Variants in KIAA0232 observed in about 807,000 individuals in gnomAD.
The protein encoded by KIAA0232 is KIAA0232.
A neutral mutation model predicts 122.0 loss-of-function variants in KIAA0232; 27 were observed. The observed-to-expected ratio is 0.22, with a 90% CI of 0.16 to 0.31. KIAA0232 has a LOEUF of 0.31. Among genes scored for constraint, KIAA0232 ranks in the 10% least tolerant of loss-of-function variants. KIAA0232 has a pLI of 1.00. For synonymous variants in KIAA0232, 613 were observed against 587.6 expected, an observed-to-expected ratio of 1.04 and a Z score of -0.63; for missense variants, 1,551 against 1,634.2, an observed-to-expected ratio of 0.95 and a Z score of 0.88.
Position 6,869,619 on chromosome 4 carries a change from T to C in KIAA0232, c.3802-1955T>C, listed in dbSNP as rs536931689. On this transcript the variant is annotated intron_variant, in intron 7 of 9. Coordinates refer to ENST00000307659, the MANE Select transcript of KIAA0232 (RefSeq NM_014743.3). ...CAATTTTTATTGTTAGGATAAGTTG[T>C]AGGAGAAATTAGCAAAGGTTAACTG... 4.1e-4 allele frequency among the ~76,000 whole-genome samples: 62 copies of C among 152,370 alleles called. 1 individual carries two copies. In the South Asian group the frequency reaches 0.011, roughly 26 times the overall value.
At chr4:6,858,643 T>G in intron 6 of KIAA0232, 137 bp downstream of exon 6, 9 of 570,874 alleles carry the variant, frequency 1.6e-5, no homozygotes, top group Non-Finnish European at 1.2e-5. Flanking sequence ...ATCGAGCGCT[T>G]ATATGCTTGA....
In KIAA0232 at chr4:6,876,719, A is replaced by C; in HGVS notation, c.3970A>C (p.Thr1324Pro). ...AGAAGAATATCCAGATGCTAAAGAG[A>C]CACCCAGTAATGAAGAGCGCCTGTT... ...GLEEYPDAKETPSNEERLLDF... is the reference protein window; with the variant it reads ...GLEEYPDAKEPPSNEERLLDF... Residue 1324 changes from threonine (T) to proline (P), a missense_variant, in exon 9 of 10, where the codon ACA becomes CCA. Physicochemically the swap from Thr to Pro is conservative, Grantham distance 38. Around this residue, in one of 5 missense-constraint regions of KIAA0232, gnomAD observed 1,108 missense variants for 1,154.8 expected, o/e 0.96. Coordinates refer to ENST00000307659, the MANE Select transcript of KIAA0232 (RefSeq NM_014743.3). 6.2e-7 allele frequency: 1 copy of C among 1,613,260 alleles called. No individual in the cohort carries two copies. The highest frequency in any genetic ancestry group is 8.5e-7 in the Non-Finnish European group (1 of 1,179,208).
At chr4:6,873,817 C>A (rs991149184) in intron 8 of KIAA0232, among the ~76,000 whole-genome samples, 1 of 152,180 alleles carries the variant, frequency 6.6e-6, no homozygotes. Context: ...TAAGTCCCTG[C>A]ATATTTGCCC....
intron 2 of KIAA0232, among the ~76,000 whole-genome samples, chr4:6,820,499 C>A (rs1198659592): frequency 6.6e-6 from 1 of 152,118 alleles, no homozygotes; most frequent in African/African-American, 2.4e-5. Flanking sequence ...CATTTACATT[C>A]ATTATTATTA....
At chr4:6,874,191 G>C (rs532493588) in intron 8 of KIAA0232, among the ~76,000 whole-genome samples, 1 of 152,342 alleles carries the variant, frequency 6.6e-6, no homozygotes, top group African/African-American at 2.4e-5. Flanking sequence ...CAGCACTTGG[G>C]TTAGGCACTG....
chr4:6,856,824 G>T (rs772672376), intron 4 of KIAA0232, among the ~76,000 whole-genome samples: 3 of 152,178 alleles, frequency 2.0e-5, no homozygotes, highest in Non-Finnish European at 4.4e-5. Flanking sequence ...GATGGTGACT[G>T]ACTTTTGGTC....
chr4:6,854,227 G>A (rs1403369164), intron 4 of KIAA0232, among the ~76,000 whole-genome samples: 1 of 152,182 alleles, frequency 6.6e-6, no homozygotes, highest in East Asian at 1.9e-4. Context: ...GACTCTGGAT[G>A]CCTCACATGT....
chr4:6,788,080 T>G (rs938131665), intron 1 of KIAA0232, among the ~76,000 whole-genome samples: 4 of 152,174 alleles, frequency 2.6e-5, no homozygotes, highest in African/African-American at 9.7e-5. Context: ...ACTCTGTCAC[T>G]CATGCTGGAG....
At position 6,884,142 on chromosome 4, in the gene KIAA0232, AAAAT is replaced by A. The variant is rs1398375587; in HGVS notation, c.*3180_*3183del. 1.1e-4 allele frequency: 17 copies of A among 152,354 alleles called. No homozygotes were observed. The highest frequency in any genetic ancestry group is 6.5e-4 in the Admixed American group (10 of 15,306). 9.4% of individuals were successfully genotyped at this position (152,354 alleles called of 1,614,324 possible). A position where few individuals can be genotyped will look rare whatever the true frequency, so the allele number is the denominator to read the frequency against. On this transcript the variant is annotated 3_prime_UTR_variant, in exon 10 of 10. Transcript: ENST00000307659. ...GTTCATGGAAAATGGAATTAAAAGAAAAATAAAAAAATATAAACTTTATTTCTCA... is the reference window on the plus strand; with the variant it reads ...GTTCATGGAAAATGGAATTAAAAGAAAAAAAAATATAAACTTTATTTCTCA...
chr4:6,820,987 T>G (rs137876854), intron 2 of KIAA0232, among the ~76,000 whole-genome samples: 1 of 152,140 alleles, frequency 6.6e-6, no homozygotes, highest in African/African-American at 2.4e-5. Flanking sequence ...GCTGAACTTA[T>G]CCTTTTATCA....
intron 3 of KIAA0232, among the ~76,000 whole-genome samples, chr4:6,830,506 C>T (rs1465372907): frequency 1.4e-5 from 2 of 145,408 alleles, no homozygotes; most frequent in Non-Finnish European, 3.0e-5. Context: ...CTCCTGGGTT[C>T]AAGTGATTCT....
chr4:6,793,355 C>T (rs75954775), intron 1 of KIAA0232, among the ~76,000 whole-genome samples: 3 of 152,260 alleles, frequency 2.0e-5, no homozygotes, highest in Middle Eastern at 3.4e-3. Flanking sequence ...ATGCTACAGA[C>T]TTTCAGAACA....
At chr4:6,804,333 G>A (rs1349329056) in intron 1 of KIAA0232, among the ~76,000 whole-genome samples, 190 bp from the exon 2 acceptor site, 1 of 152,132 alleles carries the variant, frequency 6.6e-6, no homozygotes, top group African/African-American at 2.4e-5. Flanking sequence ...GCCATCCTCA[G>A]TTTAGAGCCA....
chr4:6,800,066 T>C lies in KIAA0232; in HGVS notation c.-353-4457T>C, dbSNP rs1368485119. Among the ~76,000 whole-genome samples the C allele has an allele frequency of 1.6e-3, 88 of 54,978 alleles. 3 individuals are homozygous for C. Among genetic ancestry groups the C allele is most frequent in the Non-Finnish European group, 2.2e-3 (66 of 29,534 alleles). The allele number at this position is 54,978 out of a possible 152,430, so 36.1% of individuals were successfully genotyped here. On this transcript the variant is annotated intron_variant, in intron 1 of 9. Transcript: ENST00000307659. ...TTCTTTTTTTTTTTTTTTTTTTTTT[T>C]TTTTTTTTTGAGATGGAGTCTCACT...
intron 1 of KIAA0232, among the ~76,000 whole-genome samples, chr4:6,789,956 G>A (rs1217996190): frequency 1.3e-5 from 2 of 151,986 alleles, no homozygotes; most frequent in African/African-American, 4.8e-5. Flanking sequence ...TTGAGCCCAG[G>A]AGATCAAGGC....
intron 1 of KIAA0232, among the ~76,000 whole-genome samples, chr4:6,783,046 C>G (rs1250065558): frequency 2.6e-5 from 4 of 151,636 alleles, no homozygotes; most frequent in African/African-American, 9.7e-5. Context: ...GGAGGCCGAG[C>G]CGCCGCCGAG....
In KIAA0232 at chr4:6,855,095, A is replaced by AT. The variant is rs1214639376; in HGVS notation, c.370-2062dup. The stretch of plus-strand genomic sequence containing the variant: ...TATTTTTTATTTTTTATTTTTTTTT[A>AT]TTTTTTTGAGACCGAGTCTCGCTCT... On this transcript the variant is annotated intron_variant, in intron 4 of 9. Coordinates refer to ENST00000307659, the MANE Select transcript of KIAA0232 (RefSeq NM_014743.3). The surrounding 1 kb of genome is among the most constrained non-coding windows in gnomAD (Gnocchi z 4.3). 2.0e-5 allele frequency among the ~76,000 whole-genome samples: 3 copies of AT among 149,324 alleles called. No homozygotes were observed. Among genetic ancestry groups the AT allele is most frequent in the African/African-American group, 4.9e-5 (2 of 40,532 alleles).
intron 4 of KIAA0232, among the ~76,000 whole-genome samples, chr4:6,845,751 C>T (rs1472662191): frequency 6.6e-6 from 1 of 152,064 alleles, no homozygotes; most frequent in African/African-American, 2.4e-5. Context: ...GAGAAATGAG[C>T]CTAGCCTTTG....
In KIAA0232 at chr4:6,861,777, C is replaced by G; in HGVS notation, c.1395C>G (p.Phe465Leu). ...LHKTYLAAGT[F>L]IDGHFVEMPA... ...AAACATACCTCGCAGCAGGTACTTT[C>G]ATTGATGGTCATTTTGTAGAAATGC... The change falls in exon 7 of 10, where the codon TTC becomes TTG. Residue 465 changes from phenylalanine to leucine, a missense_variant. Physicochemically the swap from Phe to Leu is conservative, Grantham distance 22. Coordinates refer to ENST00000307659, the MANE Select transcript of KIAA0232 (RefSeq NM_014743.3). 1 of 1,614,140 alleles carries G rather than the reference C, an allele frequency of 6.2e-7. No individual in the cohort carries two copies. Among genetic ancestry groups the G allele is most frequent in the Non-Finnish European group, 8.5e-7 (1 of 1,180,018 alleles).
Sources: allele counts gnomAD v4.1 joint callset (sites outside exome capture counted in the v4.1 genomes callset), GRCh38; gene constraint gnomAD v4.1.1; regional missense constraint gnomAD v4.1.1; non-coding constraint Gnocchi (gnomAD v3.1); transcripts MANE v1.5; gene names NCBI Gene and HGNC (gene_info 2026-07-23, HGNC 2026-07-21).